OTUD4: variants seen among roughly 807,000 people sequenced by gnomAD.
OTUD4 encodes the protein OTU deubiquitinase 4.
A neutral mutation model predicts 130.4 loss-of-function variants in OTUD4; 24 were observed. The ratio of observed to expected loss-of-function variants is 0.18; its 90% confidence interval spans 0.13 to 0.26. The LOEUF is 0.26. OTUD4 is among the 10% of genes least tolerant of loss of function. OTUD4 has a pLI of 1.00. For synonymous variants in OTUD4, 420 were observed against 472.5 expected (o/e 0.89, Z 1.44); for missense variants, 1,031 against 1,329.4 (o/e 0.78, Z 3.49).
intron 3 of OTUD4, among the ~76,000 whole-genome samples, chr4:145,170,595 T>C (rs1752109408): frequency 6.6e-6 from 1 of 152,250 alleles, no homozygotes; most frequent in Non-Finnish European, 1.5e-5. Context: ...CCTTCTTTCC[T>C]ATGATAGGGA....
chr4:145,158,326 C>A (rs1204204418), intron 7 of OTUD4, among the ~76,000 whole-genome samples: 1 of 151,694 alleles, frequency 6.6e-6, no homozygotes, highest in Admixed American at 6.6e-5. Flanking sequence ...ACTAAAAGTA[C>A]AAAAAATTAG....
intron 19 of OTUD4, among the ~76,000 whole-genome samples, chr4:145,140,278 TCAG>T (rs1750496950): frequency 6.6e-6 from 1 of 152,226 alleles, no homozygotes; most frequent in Admixed American, 6.5e-5. Flanking sequence ...TAAAGGACAT[TCAG>T]GTGGCTTTCT....
intron 3 of OTUD4, among the ~76,000 whole-genome samples, chr4:145,168,400 T>TA (rs1751981948): frequency 2.4e-5 from 1 of 41,306 alleles, no homozygotes; most frequent in African/African-American, 9.0e-5. Context: ...AATAAATAAA[T>TA]AAAATAAAAA....
At chr4:145,172,727 T>C (rs1468100447) in intron 2 of OTUD4, among the ~76,000 whole-genome samples, 1 of 152,124 alleles carries the variant, frequency 6.6e-6, no homozygotes, top group Non-Finnish European at 1.5e-5. Context: ...TAATGTCAAA[T>C]TGCCAAAAAT....
intron 1 of OTUD4, among the ~76,000 whole-genome samples, chr4:145,179,376 A>G (rs566594688): frequency 2.0e-5 from 3 of 152,314 alleles, no homozygotes; most frequent in African/African-American, 7.2e-5. Context: ...GCAAACCAAA[A>G]TATGTTCCAC....
chr4:145,154,552 T>C (rs1372858768), intron 10 of OTUD4, among the ~76,000 whole-genome samples: 1 of 152,214 alleles, frequency 6.6e-6, no homozygotes, highest in East Asian at 1.9e-4. Flanking sequence ...TTTTTGTGTA[T>C]GTGGGGGTTT....
At chr4:145,174,926 G>C (rs1387895894) in intron 1 of OTUD4, among the ~76,000 whole-genome samples, 182 bp from the exon 2 acceptor site, 1 of 152,154 alleles carries the variant, frequency 6.6e-6, no homozygotes. Flanking sequence ...GCACAGCGAA[G>C]ACATGACATA....
In OTUD4 at chr4:145,138,681, A is replaced by C. The variant is rs771728799; in HGVS notation, c.2125-31T>G. On this transcript the variant is annotated intron_variant, in intron 20 of 20. Transcript: ENST00000447906. ...GAGACAAAAAACAGTTAAATAAACA[A>C]AAGAGGAGAAAAAAGAGAGGTTTGG... The C allele has an allele frequency of 5.8e-6, 9 of 1,557,858 alleles. No individual in the cohort carries two copies. The African/African-American group carries it at 1.2e-4, about 21-fold the overall frequency.
At chr4:145,143,808 T>A (rs1183933206) in intron 16 of OTUD4, 138 bp downstream of exon 16, 8 of 659,048 alleles carry the variant, frequency 1.2e-5, no homozygotes, top group Non-Finnish European at 1.6e-5. Context: ...ATCCCCATCA[T>A]CTTTTCCCTG....
At chr4:145,152,393 G>T (rs959943795) in intron 11 of OTUD4, 148 bp downstream of exon 11, 2 of 568,698 alleles carry the variant, frequency 3.5e-6, no homozygotes, top group South Asian at 2.4e-5. Flanking sequence ...TTACAGGCAT[G>T]AGCCACCGTC....
At position 145,165,208 on chromosome 4, in the gene OTUD4, G is replaced by GA; in HGVS notation, c.295-12dup. ...TTGTCCTACCCATTCCTGTATTGAA[G>GA]AAAAAAAGGTGGCATGTAAGTGTCT... On this transcript the variant is annotated splice_polypyrimidine_tract_variant and intron_variant, in intron 3 of 20. Transcript: ENST00000447906. The GA allele has an allele frequency of 1.9e-6, 3 of 1,601,118 alleles. No individual in the cohort carries two copies. Among genetic ancestry groups the GA allele is most frequent in the Non-Finnish European group, 2.6e-6 (3 of 1,171,154 alleles).
At chr4:145,165,971 G>C (rs1751851584) in intron 3 of OTUD4, among the ~76,000 whole-genome samples, 3 of 151,032 alleles carry the variant, frequency 2.0e-5, no homozygotes, top group Admixed American at 6.6e-5. Flanking sequence ...AGACCAGTCT[G>C]ACCAACATGG....
rs1367256522 is a variant in OTUD4, at chr4:145,133,652, A to T, written c.*3778T>A. The T allele has an allele frequency of 2.6e-5, 4 of 152,474 alleles. No individual in the cohort carries two copies. Among genetic ancestry groups the T allele is most frequent in the Non-Finnish European group, 5.9e-5 (4 of 68,028 alleles). The allele number at this position is 152,474 out of a possible 1,614,324, so 9.4% of individuals were successfully genotyped here. On this transcript the variant is annotated 3_prime_UTR_variant, in exon 21 of 21. Transcript: ENST00000447906. ...GAACCAAAGAATCACAAGCAGAATC[A>T]AGAGACAAAATTTAATATATGCACA... is the stretch of plus-strand genomic sequence containing the variant.
chr4:145,173,307 T>G (rs1752265173), intron 2 of OTUD4, among the ~76,000 whole-genome samples: 1 of 151,914 alleles, frequency 6.6e-6, no homozygotes, highest in Non-Finnish European at 1.5e-5. Flanking sequence ...GGCAGGAGAA[T>G]GGCATGAACC....
rs537846931 is a variant in OTUD4 at position 145,148,648 on chromosome 4, C to T, written c.1259+1865G>A. ...TAATAAACAAGTTTATTTAAATTAACCATTTAGTAGTCTATGTGTATTTTC... is the reference window on the plus strand; with the variant it reads ...TAATAAACAAGTTTATTTAAATTAATCATTTAGTAGTCTATGTGTATTTTC... On this transcript the variant is annotated intron_variant, in intron 13 of 20. Coordinates refer to ENST00000447906, the MANE Select transcript of OTUD4 (RefSeq NM_001366057.1). 7.9e-5 allele frequency among the ~76,000 whole-genome samples: 12 copies of T among 152,208 alleles called. No homozygotes were observed. The East Asian group carries it at 2.3e-3, about 29-fold the overall frequency.
At chr4:145,172,922 T>C (rs1301443595) in intron 2 of OTUD4, among the ~76,000 whole-genome samples, 1 of 152,168 alleles carries the variant, frequency 6.6e-6, no homozygotes, top group South Asian at 2.1e-4. Flanking sequence ...AGAGTCTCCT[T>C]TCTGAGCAGA....
chr4:145,170,608 C>CT (rs892707995), intron 3 of OTUD4, among the ~76,000 whole-genome samples: 1 of 152,150 alleles, frequency 6.6e-6, no homozygotes, highest in Non-Finnish European at 1.5e-5. Context: ...GATAGGGAAA[C>CT]TTTTTTGTTA....
Position 145,138,318 on chromosome 4 carries a change from A to G in OTUD4, c.2457T>C (p.Pro819=). 6.2e-7 allele frequency: 1 copy of G among 1,614,146 alleles called. No homozygotes were observed. Among genetic ancestry groups the G allele is most frequent in the East Asian group, 2.2e-5 (1 of 44,880 alleles). Residue 819 remains proline, a synonymous_variant, in exon 21 of 21, where the codon CCT becomes CCC. Coordinates refer to ENST00000447906, the MANE Select transcript of OTUD4 (RefSeq NM_001366057.1). ...CATAATCAGCATGCAGAAGCTGCCC[A>G]GGGGTCTCAGATTCAAGATCAGCCT... ...SYQADLESET[P]GQLLHADYEE...
At chr4:145,143,882 T>C in intron 16 of OTUD4, 64 bp downstream of exon 16, 4 of 1,179,424 alleles carry the variant, frequency 3.4e-6, no homozygotes, top group Non-Finnish European at 3.8e-6. Context: ...CTTCCACTTC[T>C]TCCTACTGTA....
Sources: allele counts gnomAD v4.1 joint callset (sites outside exome capture counted in the v4.1 genomes callset), GRCh38; gene constraint gnomAD v4.1.1; transcripts MANE v1.5; gene names NCBI Gene and HGNC (gene_info 2026-07-23, HGNC 2026-07-21).